The following ODF1 variants were observed in gnomAD, a reference collection of about 807,000 sequenced individuals.
ODF1 encodes outer dense fiber protein 1.
A neutral mutation model predicts 24.0 loss-of-function variants in ODF1; 10 were observed. The observed-to-expected ratio is 0.42, with a 90% CI of 0.26 to 0.71. The LOEUF is 0.71. Ranked by LOEUF, ODF1 falls within the 30% of genes least tolerant of loss-of-function variation. The pLI, the probability that ODF1 is intolerant of heterozygous loss-of-function variation, is 0.28. For missense variants in ODF1, 282 were observed against 307.9 expected (o/e 0.92, Z 0.63); for synonymous variants, 118 against 121.3 (o/e 0.97, Z 0.18).
chr8:102,556,926 C>G (rs1826118240), intron 1 of ODF1, among the ~76,000 whole-genome samples: 1 of 152,174 alleles, frequency 6.6e-6, no homozygotes, highest in African/African-American at 2.4e-5. Context: ...ACATTTTTCA[C>G]ATCTTCATTA....
At chr8:102,555,356 A>T (rs1457331880) in intron 1 of ODF1, among the ~76,000 whole-genome samples, 4 of 152,182 alleles carry the variant, frequency 2.6e-5, no homozygotes, top group Non-Finnish European at 5.9e-5. Context: ...CCATGTGGCC[A>T]GGACACCAAG....
chr8:102,552,564 G>A (rs778934205), intron 1 of ODF1, among the ~76,000 whole-genome samples: 26 of 152,032 alleles, frequency 1.7e-4, no homozygotes, highest in Non-Finnish European at 3.4e-4. Flanking sequence ...CCCACTCCAG[G>A]CAAAGACTTA....
At chr8:102,554,481 T>G (rs368892666) in intron 1 of ODF1, among the ~76,000 whole-genome samples, 15 of 152,352 alleles carry the variant, frequency 9.8e-5, no homozygotes, top group African/African-American at 3.6e-4. Context: ...CTTGGCCCCC[T>G]TGAAACTGTT....
Position 102,551,970 on chromosome 8 carries a change from C to G in ODF1, c.243C>G (p.Tyr81Ter). 1 of 1,614,074 alleles carries G rather than the reference C, an allele frequency of 6.2e-7. No homozygotes were observed. Among genetic ancestry groups the G allele is most frequent in the South Asian group, 1.1e-5 (1 of 91,084 alleles). The change falls in exon 1 of 2, where the codon TAC (tyrosine) becomes TAG (stop). Residue 81 changes from tyrosine to a stop codon, truncating the protein, a stop_gained. Transcript: ENST00000285402. LOFTEE classifies it high-confidence loss of function. ...YPCCLCDYKL[Y>*]CLRPSLRSLE... ...GTTGCCTGTGTGATTATAAGCTTTA[C>G]TGTCTGCGACCATCTCTCAGAAGTT...
chr8:102,552,639 A>G (rs902937562), intron 1 of ODF1, among the ~76,000 whole-genome samples: 10 of 152,202 alleles, frequency 6.6e-5, no homozygotes, highest in African/African-American at 2.4e-4. Context: ...GGTCTTGCAA[A>G]TAAACTATGG....
rs1826178675 is a variant in ODF1, at chr8:102,561,013, A to G, written c.*129A>G. ...GTAGGAAACTGAATACATAACTGCAATCTGCTGGTGTTGTGTGAAAGTCTT... is the reference window on the plus strand; with the variant it reads ...GTAGGAAACTGAATACATAACTGCAGTCTGCTGGTGTTGTGTGAAAGTCTT... On this transcript the variant is annotated 3_prime_UTR_variant, in exon 2 of 2. Transcript: ENST00000285402. The G allele has an allele frequency of 1.2e-6, 1 of 862,276 alleles. No individual in the cohort carries two copies. Among genetic ancestry groups the G allele is most frequent in the African/African-American group, 1.7e-5 (1 of 58,872 alleles). The allele number at this position is 862,276 out of a possible 1,614,324, so 53.4% of individuals were successfully genotyped here. A position where few individuals can be genotyped will look rare whatever the true frequency, so the allele number is the denominator to read the frequency against.
intron 1 of ODF1, among the ~76,000 whole-genome samples, chr8:102,552,677 T>G (rs1272263527): frequency 6.6e-6 from 1 of 152,176 alleles, no homozygotes; most frequent in African/African-American, 2.4e-5. Flanking sequence ...CAGGATAGAC[T>G]TGAAAGGCTT....
At position 102,560,755 on chromosome 8, in the gene ODF1, T is replaced by C. The variant is rs1826170631; in HGVS notation, c.624T>C (p.Pro208=). ...IESPCYPCTS[P]CSPCSPCSPC... ...CTCCTTGCTACCCTTGCACTTCTCC[T>C]TGCAGCCCCTGCAGCCCCTGCAGCC... The change falls in exon 2 of 2, where the codon CCT becomes CCC. Residue 208 remains proline, a synonymous_variant. Transcript: ENST00000285402. The C allele has an allele frequency of 1.9e-6, 3 of 1,611,454 alleles. No individual in the cohort carries two copies. The highest frequency in any genetic ancestry group is 2.2e-5 in the East Asian group (1 of 44,832).
chr8:102,552,034 C>T lies in ODF1; in HGVS notation c.307C>T (p.Arg103Ter). Reference protein sequence around the residue: ...KAIRAIEDEKRELAKLRRTTN... With the variant: ...KAIRAIEDEK ...CATCAGAGCCATAGAAGATGAGAAG[C>T]GAGAGCTTGCCAAGTAAAATAACTT... The change falls in exon 1 of 2, where the codon CGA (arginine) becomes TGA (stop). Residue 103 changes from arginine to a stop codon, truncating the protein, a stop_gained. Transcript: ENST00000285402. LOFTEE classifies it high-confidence loss of function. The T allele has an allele frequency of 8.2e-6, 13 of 1,580,490 alleles. No individual in the cohort carries two copies. The highest frequency in any genetic ancestry group is 2.3e-5 in the East Asian group (1 of 44,220).
At chr8:102,553,010 AGATAGAT>A (rs869144606) in intron 1 of ODF1, among the ~76,000 whole-genome samples, 1 of 114,992 alleles carries the variant, frequency 8.7e-6, no homozygotes, top group Non-Finnish European at 1.9e-5. Flanking sequence ...ATAGATAGAT[AGATAGAT>A]GATAGATAGA....
chr8:102,551,894 T>G lies in ODF1; in HGVS notation c.167T>G (p.Leu56Trp). The change falls in exon 1 of 2, where the codon TTG (leucine) becomes TGG (tryptophan). Residue 56 changes from leucine to tryptophan, a missense_variant. Transcript: ENST00000285402. ...GACTTGCACCCATATCCGTACTGCT[T>G]GTGCTATTCCAAGCGATCACGCTCT... is the stretch of plus-strand genomic sequence containing the variant. ...CCDLHPYPYCLCYSKRSRSCG... is the reference protein window; with the variant it reads ...CCDLHPYPYCWCYSKRSRSCG... The G allele has an allele frequency of 6.2e-7, 1 of 1,614,156 alleles. No homozygotes were observed. The highest frequency in any genetic ancestry group is 1.3e-5 in the African/African-American group (1 of 75,030).
At chr8:102,559,352 G>A (rs1028237219) in intron 1 of ODF1, among the ~76,000 whole-genome samples, 1 of 151,598 alleles carries the variant, frequency 6.6e-6, no homozygotes, top group Non-Finnish European at 1.5e-5. Flanking sequence ...TTTTTATTAA[G>A]GATTTACACA....
At chr8:102,558,713 T>C (rs967366525) in intron 1 of ODF1, among the ~76,000 whole-genome samples, 2 of 146,954 alleles carry the variant, frequency 1.4e-5, no homozygotes, top group Admixed American at 6.7e-5. Flanking sequence ...TAAGAACACA[T>C]ACAAAACTCT....
chr8:102,560,243 G>A (rs1826161649), intron 1 of ODF1, among the ~76,000 whole-genome samples: 1 of 152,154 alleles, frequency 6.6e-6, no homozygotes, highest in Non-Finnish European at 1.5e-5. Flanking sequence ...CGCATTCATT[G>A]TTAACAGCTG....
intron 1 of ODF1, among the ~76,000 whole-genome samples, chr8:102,559,606 A>G (rs7829868): frequency 6.6e-6 from 1 of 151,556 alleles, no homozygotes; most frequent in Non-Finnish European, 1.5e-5. Flanking sequence ...TCTGTATCTG[A>G]TCAACACGGC....
intron 1 of ODF1, among the ~76,000 whole-genome samples, chr8:102,553,073 C>A (rs185196786): frequency 6.6e-6 from 1 of 151,874 alleles, no homozygotes; most frequent in African/African-American, 2.4e-5. Context: ...TTGGAAAAAG[C>A]AATAGGAGGC....
intron 1 of ODF1, among the ~76,000 whole-genome samples, chr8:102,552,823 G>A (rs1358126241): frequency 2.0e-5 from 3 of 152,198 alleles, no homozygotes; most frequent in East Asian, 3.9e-4. Context: ...TACTGTTGAT[G>A]AAAAAGATGG....
Position 102,560,693 on chromosome 8 carries a change from T to C in ODF1, c.562T>C (p.Tyr188His). ...PPCVDEKDVT[Y>H]SYGLGSCVKI... Reference sequence around the variant, plus strand: ...CTGTGTGGATGAGAAGGATGTAACATACTCCTATGGGCTCGGCAGCTGTGT... The same window carrying C: ...CTGTGTGGATGAGAAGGATGTAACACACTCCTATGGGCTCGGCAGCTGTGT... The change falls in exon 2 of 2, where the codon TAC becomes CAC. Residue 188 changes from tyrosine (Y) to histidine (H), a missense_variant. Coordinates refer to ENST00000285402, the MANE Select transcript of ODF1 (RefSeq NM_024410.4). 6.2e-7 allele frequency: 1 copy of C among 1,614,030 alleles called. No individual in the cohort carries two copies. Among genetic ancestry groups the C allele is most frequent in the Non-Finnish European group, 8.5e-7 (1 of 1,180,012 alleles).
chr8:102,554,067 A>C (rs1052833205), intron 1 of ODF1, among the ~76,000 whole-genome samples: 1 of 151,852 alleles, frequency 6.6e-6, no homozygotes, highest in Admixed American at 6.6e-5. Flanking sequence ...TTGACATTTC[A>C]CTCTCCAGAA....
Sources: allele counts gnomAD v4.1 joint callset (sites outside exome capture counted in the v4.1 genomes callset), GRCh38; gene constraint gnomAD v4.1.1; transcripts MANE v1.5; gene names NCBI Gene and HGNC (gene_info 2026-07-23, HGNC 2026-07-21).